The following S100A5 variants were observed in gnomAD, a reference collection of about 807,000 sequenced individuals.
S100A5 encodes the protein protein S100-A5.
In S100A5, 5 loss-of-function variants were observed where a neutral mutation model predicts 6.7. That is an observed-to-expected ratio of 0.75 (90% CI 0.39 to 1.57). The LOEUF is 1.57. Among genes scored for constraint, S100A5 ranks in the 40% most tolerant of loss-of-function variants. The probability of loss-of-function intolerance (pLI) is 0.03; values close to 1 mark genes in which losing one functional copy is unlikely to be tolerated. For missense variants in S100A5, 129 were observed against 110.8 expected (o/e 1.16, Z -0.74); for synonymous variants, 49 against 44.9 (o/e 1.09, Z -0.37).
intron 1 of S100A5, 107 bp from the exon 2 acceptor site, chr1:153,540,312 T>C (rs1331300022): frequency 1.7e-6 from 2 of 1,185,562 alleles, no homozygotes; most frequent in East Asian, 2.4e-5. Flanking sequence ...GAACCCAGGA[T>C]GAGACTGAAA....
Position 153,537,177 on chromosome 1 carries a change from C to T in S100A5, c.*119G>A. 1 of 1,174,618 alleles carries T rather than the reference C, an allele frequency of 8.5e-7. No homozygotes were observed. 72.8% of individuals were successfully genotyped at this position (1,174,618 alleles called of 1,614,324 possible). A position where few individuals can be genotyped will look rare whatever the true frequency, so the allele number is the denominator to read the frequency against. ...GCACCTGCGATGGAAACTTTATTTC[C>T]TCCCATGGAAGGGTCCATCTGGGAG... On this transcript the variant is annotated 3_prime_UTR_variant, in exon 3 of 3. Coordinates refer to ENST00000368717, the MANE Select transcript of S100A5 (RefSeq NM_001394232.1).
intron 2 of S100A5, among the ~76,000 whole-genome samples, chr1:153,538,546 C>G (rs1351850796): frequency 6.6e-6 from 1 of 151,222 alleles, no homozygotes; most frequent in East Asian, 1.9e-4. Flanking sequence ...TCCCTCTGCC[C>G]TCATTAACCT....
At chr1:153,539,460 T>A (rs1271029693) in intron 2 of S100A5, among the ~76,000 whole-genome samples, 67 of 118,766 alleles carry the variant, frequency 5.6e-4, no homozygotes, top group African/African-American at 2.7e-3. Flanking sequence ...AATATATATA[T>A]ATATATATAT....
chr1:153,537,241 G>A lies in S100A5; in HGVS notation c.*55C>T. ...GGGGGCCAAAGAGGGTCTGTGAGAGGAGCAGCCGAGGTCAGCAGCAAAGGG... is the reference window on the plus strand; with the variant it reads ...GGGGGCCAAAGAGGGTCTGTGAGAGAAGCAGCCGAGGTCAGCAGCAAAGGG... On this transcript the variant is annotated 3_prime_UTR_variant, in exon 3 of 3. Transcript: ENST00000368717. The A allele has an allele frequency of 6.3e-7, 1 of 1,584,860 alleles. No homozygotes were observed. The highest frequency in any genetic ancestry group is 1.3e-5 in the African/African-American group (1 of 74,554).
rs1318606090 is a variant in S100A5, at chr1:153,537,214, C to T, written c.*82G>A. 4.0e-6 allele frequency: 6 copies of T among 1,493,990 alleles called. No individual in the cohort carries two copies. In the African/African-American group the frequency reaches 4.1e-5, roughly 10 times the overall value. 92.5% of individuals were successfully genotyped at this position (1,493,990 alleles called of 1,614,324 possible). ...GGTCCATCTGGGAGGGAGAGGAGGG[C>T]AGGGGGCCAAAGAGGGTCTGTGAGA... On this transcript the variant is annotated 3_prime_UTR_variant, in exon 3 of 3. Coordinates refer to ENST00000368717, the MANE Select transcript of S100A5 (RefSeq NM_001394232.1).
chr1:153,543,600 G>T, upstream of S100A5: 1 of 775,412 alleles, frequency 1.3e-6, no homozygotes, highest in African/African-American at 1.7e-5. Flanking sequence ...CGCCCCCAGA[G>T]TCTCTCAAAC....
Position 153,540,633 on chromosome 1 carries a change from A to C in S100A5, c.-27T>G, listed in dbSNP as rs1318597500. On this transcript the variant is annotated 5_prime_UTR_variant, in exon 1 of 3. Transcript: ENST00000368717. Reference sequence around the variant, plus strand: ...GTGCCTGAATCACCTGATATCGAGGAGTGTCCCATTATTAAAGTCGGGGAC... The same window carrying C: ...GTGCCTGAATCACCTGATATCGAGGCGTGTCCCATTATTAAAGTCGGGGAC... 1.2e-5 allele frequency: 2 copies of C among 172,766 alleles called. No individual in the cohort carries two copies. The highest frequency in any genetic ancestry group is 4.8e-5 in the African/African-American group (2 of 41,792). The allele number at this position is 172,766 out of a possible 1,614,324, so 10.7% of individuals were successfully genotyped here.
At chr1:153,543,003 T>C (rs1205941690), upstream of S100A5, among the ~76,000 whole-genome samples, 2 of 152,054 alleles carry the variant, frequency 1.3e-5, no homozygotes, top group Non-Finnish European at 2.9e-5. Flanking sequence ...AGAATGCCTA[T>C]ATTCTCATGC....
chr1:153,542,816 A>G (rs1229268971), upstream of S100A5, among the ~76,000 whole-genome samples: 2 of 152,032 alleles, frequency 1.3e-5, no homozygotes, highest in Non-Finnish European at 2.9e-5. Context: ...CAGATCATAT[A>G]TGTGGAATTT....
chr1:153,543,281 C>T (rs1665447059), upstream of S100A5: 8 of 985,296 alleles, frequency 8.1e-6, no homozygotes, highest in Non-Finnish European at 9.6e-6. Flanking sequence ...CAACCAGGAA[C>T]AGATATGACC....
upstream of S100A5, chr1:153,541,585 C>T (rs1665389874): frequency 3.3e-6 from 4 of 1,224,064 alleles, no homozygotes; most frequent in South Asian, 4.3e-5. Flanking sequence ...CCAATCTCAC[C>T]TTCCTTGTTT....
chr1:153,539,583 C>CTG (rs1259997657), intron 2 of S100A5, among the ~76,000 whole-genome samples: 1 of 151,064 alleles, frequency 6.6e-6, no homozygotes, highest in East Asian at 1.9e-4. Context: ...AGAACCAGTT[C>CTG]TGTCTCCTCA....
At chr1:153,537,460 A>G (rs1482981093) in intron 2 of S100A5, 24 bp from the exon 3 acceptor site, 1 of 1,613,094 alleles carries the variant, frequency 6.2e-7, no homozygotes, top group Non-Finnish European at 8.5e-7. Flanking sequence ...AGGTGGAGAG[A>G]CAGCTCAGAC....
intron 2 of S100A5, among the ~76,000 whole-genome samples, chr1:153,539,489 T>TTATTTATTTATC (rs1266850863): frequency 1.4e-5 from 2 of 139,414 alleles, no homozygotes; most frequent in African/African-American, 5.6e-5. Flanking sequence ...ATTTATTTAT[T>TTATTTATTTATC]TATCCTCGGG....
upstream of S100A5, chr1:153,541,428 C>T: frequency 7.3e-7 from 1 of 1,367,840 alleles, no homozygotes; most frequent in Non-Finnish European, 9.8e-7. Flanking sequence ...CAGGCATAGC[C>T]TCCCTCTCAC....
upstream of S100A5, chr1:153,541,267 C>T (rs1665376217): frequency 1.3e-6 from 1 of 743,788 alleles, no homozygotes; most frequent in Non-Finnish European, 2.2e-6. Context: ...TCCCTGAGCG[C>T]ATGCCCGCTT....
At chr1:153,539,322 G>A (rs1330107713) in intron 2 of S100A5, among the ~76,000 whole-genome samples, 3 of 148,836 alleles carry the variant, frequency 2.0e-5, no homozygotes, top group African/African-American at 7.5e-5. Flanking sequence ...AGCTACTGAA[G>A]AGGCTGAGGC....
rs57585722 is a variant in S100A5 at position 153,537,190 on chromosome 1, G to A, written c.*106C>T. The stretch of plus-strand genomic sequence containing the variant: ...AAACTTTATTTCCTCCCATGGAAGG[G>A]TCCATCTGGGAGGGAGAGGAGGGCA... On this transcript the variant is annotated 3_prime_UTR_variant, in exon 3 of 3. Transcript: ENST00000368717. 96 of 1,262,670 alleles carry A rather than the reference G, an allele frequency of 7.6e-5. No homozygotes were observed. In the African/African-American group the frequency reaches 1.2e-3, roughly 15 times the overall value. 78.2% of individuals were successfully genotyped at this position (1,262,670 alleles called of 1,614,324 possible).
At chr1:153,543,496 C>A, upstream of S100A5, 1 of 450,422 alleles carries the variant, frequency 2.2e-6, no homozygotes, top group South Asian at 3.2e-5. Flanking sequence ...GCATCCCTCC[C>A]CTAACTTCAC....
Sources: allele counts gnomAD v4.1 joint callset (sites outside exome capture counted in the v4.1 genomes callset), GRCh38; gene constraint gnomAD v4.1.1; transcripts MANE v1.5; gene names NCBI Gene and HGNC (gene_info 2026-07-23, HGNC 2026-07-21).